The following ENKUR variants were observed in gnomAD, a reference collection of about 807,000 sequenced individuals.
ENKUR encodes the protein enkurin.
In ENKUR, 19 loss-of-function variants were observed where a neutral mutation model predicts 27.6. That is an observed-to-expected ratio of 0.69 (90% CI 0.48 to 1.01). The LOEUF (loss-of-function observed/expected upper bound fraction) is 1.01. Among genes scored for constraint, ENKUR ranks in the 50% least tolerant of loss-of-function variants. The probability of loss-of-function intolerance (pLI) is 0.00; values close to 1 mark genes in which losing one functional copy is unlikely to be tolerated. For missense variants in ENKUR, 312 were observed against 310.5 expected (o/e 1.00, Z -0.04); for synonymous variants, 117 against 96.9 (o/e 1.21, Z -1.22).
At chr10:24,989,285 T>C (rs1033289740) in intron 4 of ENKUR, among the ~76,000 whole-genome samples, 1 of 152,152 alleles carries the variant, frequency 6.6e-6, no homozygotes, top group African/African-American at 2.4e-5. Context: ...CTGTCTGCCT[T>C]CCTCCTTTGC....
intron 2 of ENKUR, among the ~76,000 whole-genome samples, chr10:25,055,215 G>C (rs1220422066): frequency 6.6e-6 from 1 of 151,740 alleles, no homozygotes; most frequent in Non-Finnish European, 1.5e-5. Context: ...GCCCTCTTGT[G>C]ACTTCATTTC....
At chr10:25,030,690 T>C (rs945785396) in intron 2 of ENKUR, among the ~76,000 whole-genome samples, 3 of 152,222 alleles carry the variant, frequency 2.0e-5, no homozygotes, top group Admixed American at 6.5e-5. Context: ...CCTTCAGTTC[T>C]GATAATTATG....
At chr10:24,998,509 A>C (rs1316098345) in intron 2 of ENKUR, among the ~76,000 whole-genome samples, 1 of 151,950 alleles carries the variant, frequency 6.6e-6, no homozygotes, top group East Asian at 1.9e-4. Context: ...AGAGTAGTGA[A>C]GACTACAGGT....
Position 25,057,417 on chromosome 10 carries a change from AC to A in ENKUR, c.37+3694del, listed in dbSNP as rs1564359442. On this transcript the variant is annotated intron_variant, in intron 2 of 5. Transcript: ENST00000615958. Reference sequence around the variant, plus strand: ...CACACACACACACACACACACACACACACACACACACAATGCCCTTAAATCG... The same window carrying A: ...CACACACACACACACACACACACACAACACACACACAATGCCCTTAAATCG... Among the ~76,000 whole-genome samples, 148 of 150,434 alleles carry A rather than the reference AC, an allele frequency of 9.8e-4. 2 individuals are homozygous for A. The highest frequency in any genetic ancestry group is 3.3e-3 in the African/African-American group (135 of 40,872).
intron 3 of ENKUR, among the ~76,000 whole-genome samples, chr10:24,994,415 C>T (rs1849996730): frequency 6.6e-6 from 1 of 151,354 alleles, no homozygotes; most frequent in Non-Finnish European, 1.5e-5. Context: ...CTCACTGCAA[C>T]CCCCGCCTCC....
upstream of ENKUR, among the ~76,000 whole-genome samples, chr10:25,020,276 A>ATATCTATATCTATAACTATATC (rs58705370): frequency 6.7e-6 from 1 of 149,428 alleles, no homozygotes; most frequent in Non-Finnish European, 1.5e-5. Context: ...ATCTATATCT[A>ATATCTATATCTATAACTATATC]TATATATCTA....
At chr10:25,048,032 T>A (rs1253624641) in intron 2 of ENKUR, among the ~76,000 whole-genome samples, 1 of 152,170 alleles carries the variant, frequency 6.6e-6, no homozygotes, top group East Asian at 1.9e-4. Context: ...TGTTCCTTCC[T>A]TACCCTAATC....
At chr10:24,985,002 A>G in intron 4 of ENKUR, 97 bp from the exon 5 acceptor site, 1 of 939,404 alleles carries the variant, frequency 1.1e-6, no homozygotes, top group Non-Finnish European at 1.6e-6. Flanking sequence ...CAATAAGTAA[A>G]AGAAACTGAC....
intron 4 of ENKUR, among the ~76,000 whole-genome samples, chr10:24,988,664 GTATATATATATA>G (rs66687937): frequency 7.7e-4 from 76 of 98,806 alleles, no homozygotes; most frequent in African/African-American, 1.5e-3. Context: ...CACAGCATAT[GTATATATATATA>G]TATATATATA....
intron 1 of ENKUR, among the ~76,000 whole-genome samples, chr10:25,012,674 C>T (rs369930293): frequency 3.0e-4 from 46 of 152,318 alleles, no homozygotes; most frequent in African/African-American, 1.1e-3. Context: ...TTACCCAATG[C>T]CTGGACCCCC....
At chr10:25,046,727 C>T (rs1436382886) in intron 2 of ENKUR, among the ~76,000 whole-genome samples, 3 of 152,152 alleles carry the variant, frequency 2.0e-5, no homozygotes, top group African/African-American at 7.2e-5. Flanking sequence ...CTAAAATAAT[C>T]TTGTTTCATA....
chr10:24,999,338 A>G, intron 2 of ENKUR, 63 bp downstream of exon 2: 1 of 1,486,118 alleles, frequency 6.7e-7, no homozygotes, highest in South Asian at 1.3e-5. Flanking sequence ...ATCAACAATA[A>G]AATAATAGTT....
At chr10:25,023,492 T>C (rs1158323769) in intron 2 of ENKUR, 4 of 1,614,120 alleles carry the variant, frequency 2.5e-6, no homozygotes, top group South Asian at 2.2e-5. Context: ...GATGATGATA[T>C]CCTTGAAAAA....
At chr10:25,017,287 T>C (rs1051580436), upstream of ENKUR, among the ~76,000 whole-genome samples, 14 of 152,232 alleles carry the variant, frequency 9.2e-5, no homozygotes, top group Admixed American at 3.9e-4. Flanking sequence ...CCCGTAAATC[T>C]ATGCACATGG....
rs199580573 is a variant in ENKUR at position 25,003,010 on chromosome 10, G to T, written c.78-3464C>A. On this transcript the variant is annotated intron_variant, in intron 1 of 5. Coordinates refer to ENST00000331161, the MANE Select transcript of ENKUR (RefSeq NM_145010.4). The stretch of plus-strand genomic sequence containing the variant: ...TTTTGTGTAGGTATATGAACTGAAA[G>T]CCTGTCCATCTATTATAGAAAATAA... Among the ~76,000 whole-genome samples the T allele has an allele frequency of 4.2e-4, 63 of 151,782 alleles. No individual in the cohort carries two copies. In the East Asian group the frequency reaches 7.2e-3, roughly 17 times the overall value.
intron 1 of ENKUR, among the ~76,000 whole-genome samples, chr10:25,000,303 T>C (rs996575667): frequency 3.9e-5 from 6 of 152,174 alleles, no homozygotes; most frequent in Non-Finnish European, 7.4e-5. Flanking sequence ...TGTGCCGCTG[T>C]TGGCTGGAGT....
chr10:25,059,355 C>T (rs1851300522), intron 2 of ENKUR, among the ~76,000 whole-genome samples: 1 of 152,112 alleles, frequency 6.6e-6, no homozygotes, highest in East Asian at 1.9e-4. Flanking sequence ...TAGTCTCCAA[C>T]TCCTGACCTC....
At chr10:25,030,711 T>A (rs1386241376) in intron 2 of ENKUR, among the ~76,000 whole-genome samples, 1 of 152,200 alleles carries the variant, frequency 6.6e-6, no homozygotes, top group African/African-American at 2.4e-5. Context: ...ATAAAACTTA[T>A]TTTTGAATTT....
At chr10:25,057,146 A>T (rs1233197504) in intron 2 of ENKUR, among the ~76,000 whole-genome samples, 1 of 152,218 alleles carries the variant, frequency 6.6e-6, no homozygotes, top group African/African-American at 2.4e-5. Context: ...ATAATACAAA[A>T]TGTATGTACA....
Sources: gnomAD v4.1 joint callset for allele counts (sites outside exome capture counted in the v4.1 genomes callset) on GRCh38, gnomAD v4.1.1 for gene constraint, MANE v1.5 for transcripts, NCBI Gene and HGNC (gene_info 2026-07-23, HGNC 2026-07-21) for gene names.